SLC24A2: variants seen among roughly 807,000 people sequenced by gnomAD.
SLC24A2 encodes the protein sodium/potassium/calcium exchanger 2.
A neutral mutation model predicts 62.0 loss-of-function variants in SLC24A2; 36 were observed. The ratio of observed to expected loss-of-function variants is 0.58; its 90% CI spans 0.44 to 0.77. SLC24A2 has a LOEUF of 0.77. SLC24A2 is among the 30% of genes least tolerant of loss of function. SLC24A2 has a pLI of 0.00. For missense variants in SLC24A2, 846 were observed against 817.9 expected, an observed-to-expected ratio of 1.03 and a Z score of -0.42; for synonymous variants, 358 against 294.0, an observed-to-expected ratio of 1.22 and a Z score of -2.23.
At chr9:20,043,738 T>A in the SLC24A2 span, among the ~76,000 whole-genome samples, 2 of 152,284 alleles carry the variant, frequency 1.3e-5, no homozygotes, top group African/African-American at 2.4e-5. Context: ...TTGCTTCTTA[T>A]GGAGGAGGAA....
chr9:20,299,107 G>A, the SLC24A2 span, among the ~76,000 whole-genome samples: 1 of 152,208 alleles, frequency 6.6e-6, no homozygotes, highest in Non-Finnish European at 1.5e-5. Context: ...ATGGCTAGAT[G>A]GGAAAGCTTG....
intron 7 of SLC24A2, among the ~76,000 whole-genome samples, chr9:19,561,268 T>C (rs1239599961): frequency 1.3e-5 from 2 of 151,852 alleles, no homozygotes; most frequent in Non-Finnish European, 2.9e-5. Flanking sequence ...CTCTCTACTC[T>C]GTTCTTATCC....
At chr9:19,547,276 G>A (rs1441175559) in intron 8 of SLC24A2, among the ~76,000 whole-genome samples, 2 of 152,160 alleles carry the variant, frequency 1.3e-5, no homozygotes, top group Non-Finnish European at 2.9e-5. Flanking sequence ...GCTAGCACTT[G>A]GGGGAGCAAT....
chr9:19,638,428 GCTCT>G (rs1478200128), intron 2 of SLC24A2, among the ~76,000 whole-genome samples: 1 of 152,076 alleles, frequency 6.6e-6, no homozygotes, highest in Non-Finnish European at 1.5e-5. Flanking sequence ...CTTTTTACCT[GCTCT>G]CTCTATTGAA....
chr9:20,225,337 G>A, the SLC24A2 span, among the ~76,000 whole-genome samples: 2 of 151,168 alleles, frequency 1.3e-5, no homozygotes, highest in South Asian at 2.1e-4. Context: ...TCTATCAGTA[G>A]GAGCATGGAT....
the SLC24A2 span, among the ~76,000 whole-genome samples, chr9:20,213,589 A>C: frequency 0.12 from 18,179 of 152,186 alleles, 2,344 homozygotes; most frequent in East Asian, 0.61. Flanking sequence ...TGAAAAAGAA[A>C]ATAAATATTT....
intron 4 of SLC24A2, among the ~76,000 whole-genome samples, chr9:19,609,395 A>G (rs903518416): frequency 1.3e-5 from 2 of 152,226 alleles, no homozygotes; most frequent in African/African-American, 4.8e-5. Context: ...CCTCTGATCC[A>G]GCCTCTTCAC....
chr9:19,748,379 A>G (rs1821892560), intron 2 of SLC24A2, among the ~76,000 whole-genome samples: 1 of 152,142 alleles, frequency 6.6e-6, no homozygotes, highest in Non-Finnish European at 1.5e-5. Context: ...CAAAACATTA[A>G]TCCCTTCCCT....
the SLC24A2 span, chr9:19,927,774 G>C: frequency 6.6e-6 from 1 of 152,166 alleles, no homozygotes; most frequent in African/African-American, 2.4e-5. Context: ...GATTGTCCCC[G>C]TGAGTTTTCA....
At chr9:19,836,968 A>T in the SLC24A2 span, among the ~76,000 whole-genome samples, 1 of 152,332 alleles carries the variant, frequency 6.6e-6, no homozygotes, top group Non-Finnish European at 1.5e-5. Context: ...ACAGAACCAA[A>T]GACAAAAACC....
chr9:19,683,248 G>C (rs919173264), intron 2 of SLC24A2, among the ~76,000 whole-genome samples: 5 of 152,164 alleles, frequency 3.3e-5, no homozygotes, highest in South Asian at 2.1e-4. Context: ...AGTTTAGTGG[G>C]ACAGAAGGAT....
At chr9:20,262,809 G>A in the SLC24A2 span, among the ~76,000 whole-genome samples, 67 of 152,236 alleles carry the variant, frequency 4.4e-4, 2 homozygotes, top group South Asian at 0.013. Flanking sequence ...CCCTCGTCAC[G>A]CCCTCCTAGG....
the SLC24A2 span, among the ~76,000 whole-genome samples, chr9:20,115,659 G>A: frequency 0.11 from 16,906 of 152,122 alleles, 989 homozygotes; most frequent in Middle Eastern, 0.18. Flanking sequence ...TTTATGCTAA[G>A]CCAACAAAAG....
At chr9:20,141,298 C>T in the SLC24A2 span, among the ~76,000 whole-genome samples, 6 of 152,090 alleles carry the variant, frequency 3.9e-5, no homozygotes, top group Non-Finnish European at 8.8e-5. Context: ...GGCCTACGCT[C>T]GCTGTCTTAT....
At chr9:19,698,851 C>G (rs1450728515) in intron 2 of SLC24A2, among the ~76,000 whole-genome samples, 1 of 152,160 alleles carries the variant, frequency 6.6e-6, no homozygotes, top group Non-Finnish European at 1.5e-5. Context: ...TGCTCTAGCA[C>G]TTTGCTCACA....
At chr9:19,618,813 ATATT>A (rs1396534650) in intron 4 of SLC24A2, among the ~76,000 whole-genome samples, 5 of 152,208 alleles carry the variant, frequency 3.3e-5, no homozygotes, top group African/African-American at 1.2e-4. Context: ...ATACTTGGTT[ATATT>A]TGAACCCCTT....
intron 2 of SLC24A2, among the ~76,000 whole-genome samples, chr9:19,702,274 G>A (rs760414047): frequency 1.6e-4 from 24 of 152,106 alleles, no homozygotes; most frequent in Non-Finnish European, 3.1e-4. Context: ...CTCCTAAAAC[G>A]TTTATTGTTT....
chr9:19,873,840 G>A, the SLC24A2 span, among the ~76,000 whole-genome samples: 1 of 152,000 alleles, frequency 6.6e-6, no homozygotes, highest in African/African-American at 2.4e-5. Flanking sequence ...CTTGCCGAAT[G>A]CCCCAAATCA....
At chr9:19,935,588 C>T in the SLC24A2 span, among the ~76,000 whole-genome samples, 1 of 152,200 alleles carries the variant, frequency 6.6e-6, no homozygotes, top group Non-Finnish European at 1.5e-5. Flanking sequence ...TGATTAGCAG[C>T]CCTTGTGTGT....
Sources: allele counts gnomAD v4.1 joint callset (sites outside exome capture counted in the v4.1 genomes callset), GRCh38; gene constraint gnomAD v4.1.1; transcripts MANE v1.5; gene names NCBI Gene and HGNC (gene_info 2026-07-23, HGNC 2026-07-21).